GINS3: variants seen among roughly 807,000 people sequenced by gnomAD.
The protein encoded by GINS3 is GINS complex subunit 3.
Under a neutral mutation model 20.0 loss-of-function variants are expected in GINS3, and 18 were observed. The ratio of observed to expected loss-of-function variants is 0.90; its 90% CI spans 0.62 to 1.33. The LOEUF is 1.33. Ranked by LOEUF, GINS3 falls within the 40% of genes most tolerant of loss-of-function variation. The pLI is 0.00. For synonymous variants in GINS3, 109 were observed against 107.0 expected (o/e 1.02, Z -0.12); for missense variants, 254 against 273.6 (o/e 0.93, Z 0.51).
At chr16:58,402,895 T>C (rs1965975926) in intron 1 of GINS3, 1 of 583,222 alleles carries the variant, frequency 1.7e-6, no homozygotes, top group Non-Finnish European at 3.0e-6. Flanking sequence ...ATAAATCCAT[T>C]TTCTCTCTCC....
intron 1 of GINS3, among the ~76,000 whole-genome samples, chr16:58,400,273 C>T (rs1482268176): frequency 6.6e-6 from 1 of 152,214 alleles, no homozygotes; most frequent in Non-Finnish European, 1.5e-5. Flanking sequence ...AGACCAGGCA[C>T]AAGCTTCCAA....
chr16:58,395,643 T>TG (rs749171574), intron 1 of GINS3, among the ~76,000 whole-genome samples: 14 of 152,146 alleles, frequency 9.2e-5, no homozygotes, highest in Non-Finnish European at 1.5e-4. Context: ...AGCACAGGGT[T>TG]GGGGGTAAGG....
intron 1 of GINS3, among the ~76,000 whole-genome samples, chr16:58,397,375 CAG>C: frequency 6.9e-6 from 1 of 145,766 alleles, no homozygotes; most frequent in Non-Finnish European, 1.5e-5. Flanking sequence ...GGCAGCCAGG[CAG>C]AGAGGCTCCT....
At chr16:58,396,757 G>T (rs1302912719) in intron 1 of GINS3, among the ~76,000 whole-genome samples, 1 of 120,872 alleles carries the variant, frequency 8.3e-6, no homozygotes, top group African/African-American at 3.3e-5. Flanking sequence ...CTGGCCGGGC[G>T]GGGGGCTGAC....
chr16:58,403,628 G>C (rs1327340962), intron 2 of GINS3: 1 of 367,644 alleles, frequency 2.7e-6, no homozygotes, highest in Non-Finnish European at 5.0e-6. Context: ...CAGGCATGGT[G>C]GCTCACACCT....
intron 1 of GINS3, 101 bp downstream of exon 1, chr16:58,392,888 T>C (rs868469550): frequency 1.5e-6 from 2 of 1,294,116 alleles, no homozygotes; most frequent in Non-Finnish European, 1.0e-6. Context: ...CTTTGGGATT[T>C]GTAGTTTTCG....
At chr16:58,403,891 G>A (rs1965990452) in intron 2 of GINS3, 1 of 159,890 alleles carries the variant, frequency 6.3e-6, no homozygotes, top group South Asian at 1.8e-4. Flanking sequence ...GCCCTGCCAT[G>A]AACTAGCAAT....
intron 1 of GINS3, among the ~76,000 whole-genome samples, chr16:58,401,510 ATTTTACAGAGTGCTGATTGGTCCG>A (rs1184733858): frequency 5.9e-5 from 9 of 152,006 alleles, no homozygotes; most frequent in African/African-American, 1.9e-4. Context: ...CTGATGGTTC[ATTTTACAGAGTGCTGATTGGTCCG>A]TTTTACAGAG....
chr16:58,404,811 AC>A lies in GINS3; in HGVS notation c.*84del. 1.1e-6 allele frequency: 1 copy of A among 943,050 alleles called. No homozygotes were observed. Among genetic ancestry groups the A allele is most frequent in the Non-Finnish European group, 1.6e-6 (1 of 606,242 alleles). The allele number at this position is 943,050 out of a possible 1,614,324, so 58.4% of individuals were successfully genotyped here. On this transcript the variant is annotated 3_prime_UTR_variant, in exon 3 of 3. Transcript: ENST00000318129. Reference sequence around the variant, plus strand: ...TAGGAGCTGGTTGACCTTGTACAGAACCAGAATCCTGTCCCATTTCATGGCT... The same window carrying A: ...TAGGAGCTGGTTGACCTTGTACAGAACAGAATCCTGTCCCATTTCATGGCT...
chr16:58,402,973 G>T, intron 1 of GINS3, 125 bp from the exon 2 acceptor site: 1 of 716,206 alleles, frequency 1.4e-6, no homozygotes, highest in Non-Finnish European at 2.4e-6. Context: ...GGTCTTCTGT[G>T]CTTGACAGCC....
chr16:58,393,124 T>A (rs1218616165), intron 1 of GINS3, among the ~76,000 whole-genome samples: 1 of 152,186 alleles, frequency 6.6e-6, no homozygotes, highest in Non-Finnish European at 1.5e-5. Context: ...TGGCTCCAGC[T>A]GAATACTTAA....
At position 58,392,562 on chromosome 16, in the gene GINS3, G is replaced by C. The variant is rs1346026111; in HGVS notation, c.-40G>C. ...CACCCCTAACTCCTGAGGCTCCTCC[G>C]AATCACGCGAGTGGAAGCGGAGAAG... On this transcript the variant is annotated 5_prime_UTR_variant, in exon 1 of 3. Transcript: ENST00000318129. 18 of 1,607,762 alleles carry C rather than the reference G, an allele frequency of 1.1e-5. No homozygotes were observed. The highest frequency in any genetic ancestry group is 1.4e-5 in the Non-Finnish European group (17 of 1,175,682).
Position 58,392,512 on chromosome 16 carries a change from C to G in GINS3, c.-90C>G, listed in dbSNP as rs972487509. 1.4e-6 allele frequency: 2 copies of G among 1,413,350 alleles called. No individual in the cohort carries two copies. Among genetic ancestry groups the G allele is most frequent in the Admixed American group, 3.9e-5 (2 of 51,318 alleles). The allele number at this position is 1,413,350 out of a possible 1,614,324, so 87.6% of individuals were successfully genotyped here. A position where few individuals can be genotyped will look rare whatever the true frequency, so the allele number is the denominator to read the frequency against. On this transcript the variant is annotated 5_prime_UTR_variant, in exon 1 of 3. Transcript: ENST00000318129. ...ACTTTCCTGACCCCAACCATCCTGCCCAGTCTCCGCTTCCCCGTCTTGTAC... is the reference window on the plus strand; with the variant it reads ...ACTTTCCTGACCCCAACCATCCTGCGCAGTCTCCGCTTCCCCGTCTTGTAC...
chr16:58,394,686 A>G (rs1482724405), intron 1 of GINS3, among the ~76,000 whole-genome samples: 2 of 152,092 alleles, frequency 1.3e-5, no homozygotes, highest in Non-Finnish European at 2.9e-5. Flanking sequence ...TCTCAGCATT[A>G]GACTTGATTA....
chr16:58,404,620 A>C lies in GINS3; in HGVS notation c.542A>C (p.Lys181Thr). ...AGGGGCTTATTTCAAACAGGGCAGAAAGGACTGAATGACTTTCAGTGTTGG... is the reference window on the plus strand; with the variant it reads ...AGGGGCTTATTTCAAACAGGGCAGACAGGACTGAATGACTTTCAGTGTTGG... ...MERGLFQTGQKGLNDFQCWEK... is the reference protein window; with the variant it reads ...MERGLFQTGQTGLNDFQCWEK... Residue 181 changes from lysine (K) to threonine (T), a missense_variant, in exon 3 of 3, where the codon AAA (lysine) becomes ACA (threonine). Coordinates refer to ENST00000318129, the MANE Select transcript of GINS3 (RefSeq NM_022770.4). The C allele has an allele frequency of 6.2e-7, 1 of 1,614,106 alleles. No homozygotes were observed. Among genetic ancestry groups the C allele is most frequent in the Non-Finnish European group, 8.5e-7 (1 of 1,179,940 alleles).
Position 58,405,301 on chromosome 16 carries a change from G to T in GINS3, c.*572G>T, listed in dbSNP as rs1404690067. ...CCAGATAAAGGAGGAAAAGGGAAAG[G>T]CAGACGAATGGCATGGCTTTTACTA... is the stretch of plus-strand genomic sequence containing the variant. On this transcript the variant is annotated 3_prime_UTR_variant, in exon 3 of 3. Transcript: ENST00000318129. 6.5e-6 allele frequency: 1 copy of T among 153,388 alleles called. No individual in the cohort carries two copies. The allele number at this position is 153,388 out of a possible 1,614,324, so 9.5% of individuals were successfully genotyped here. A position where few individuals can be genotyped will look rare whatever the true frequency, so the allele number is the denominator to read the frequency against.
At chr16:58,395,740 C>G (rs1412430913) in intron 1 of GINS3, among the ~76,000 whole-genome samples, 1 of 152,208 alleles carries the variant, frequency 6.6e-6, no homozygotes, top group African/African-American at 2.4e-5. Context: ...TGTTTCTACA[C>G]AGACACAGCA....
At chr16:58,397,629 A>T (rs1477339935) in intron 1 of GINS3, among the ~76,000 whole-genome samples, 1 of 151,982 alleles carries the variant, frequency 6.6e-6, no homozygotes, top group Non-Finnish European at 1.5e-5. Context: ...ACACAGCGAA[A>T]CCCCGTCTCC....
intron 1 of GINS3, among the ~76,000 whole-genome samples, chr16:58,400,916 G>C (rs62042604): frequency 4.6e-4 from 70 of 151,270 alleles, no homozygotes; most frequent in Non-Finnish European, 8.5e-4. Context: ...CTGTGTTCAA[G>C]CGAGTCTTCT....
Sources: gnomAD v4.1 joint callset for allele counts (sites outside exome capture counted in the v4.1 genomes callset) on GRCh38, gnomAD v4.1.1 for gene constraint, MANE v1.5 for transcripts, NCBI Gene and HGNC (gene_info 2026-07-23, HGNC 2026-07-21) for gene names.